The following CSPP1 variants were observed in gnomAD, a reference collection of about 807,000 sequenced individuals.
The protein encoded by CSPP1 is centrosome and spindle pole associated protein 1.
CSPP1 carries 126 observed loss-of-function variants against 164.4 expected under a neutral mutation model. That is an observed-to-expected ratio of 0.77 (90% CI 0.66 to 0.89). CSPP1 has a LOEUF of 0.89. CSPP1 is among the 40% of genes least tolerant of loss of function. The pLI is 0.00. For synonymous variants in CSPP1, 472 were observed against 476.7 expected (o/e 0.99, Z 0.13); for missense variants, 1,395 against 1,449.8 (o/e 0.96, Z 0.61).
intron 15 of CSPP1, among the ~76,000 whole-genome samples, chr8:67,120,204 A>G (rs1818711639): frequency 6.6e-6 from 1 of 152,138 alleles, no homozygotes; most frequent in African/African-American, 2.4e-5. Flanking sequence ...TTTTTGGGCT[A>G]TTTATCCTTT....
Position 67,179,916 on chromosome 8 carries a change from T to A in CSPP1, c.3210T>A (p.Ser1070Arg), listed in dbSNP as rs2129570665. 1 of 1,556,486 alleles carries A rather than the reference T, an allele frequency of 6.4e-7. No homozygotes were observed. Among genetic ancestry groups the A allele is most frequent in the Non-Finnish European group, 8.9e-7 (1 of 1,128,300 alleles). The change falls in exon 28 of 31, where the codon AGT (serine) becomes AGA (arginine). Residue 1070 changes from serine (S) to arginine (R), a missense_variant. Ser to Arg is a moderately radical substitution (Grantham distance 110, BLOSUM62 -1). Transcript: ENST00000678616. Reference sequence around the variant, plus strand: ...AAAACTCATTATTGGAATCTGATAGTGCTTTTATTGGTGAGTATATTTATT... The same window carrying A: ...AAAACTCATTATTGGAATCTGATAGAGCTTTTATTGGTGAGTATATTTATT... ...FLKNSLLESD[S>R]AFIGAYGETY...
At chr8:67,108,663 C>T (rs750908774) in intron 9 of CSPP1, among the ~76,000 whole-genome samples, 3 of 152,170 alleles carry the variant, frequency 2.0e-5, no homozygotes, top group Non-Finnish European at 4.4e-5. Context: ...CAGTATATTG[C>T]TGTTGATTGT....
rs1828818632 is a variant in CSPP1, at chr8:67,163,781, A to G, written c.2693A>G (p.Asn898Ser). The G allele has an allele frequency of 6.2e-7, 1 of 1,613,364 alleles. No individual in the cohort carries two copies. The highest frequency in any genetic ancestry group is 1.7e-5 in the Admixed American group (1 of 59,982). The change falls in exon 23 of 31, where the codon AAT (asparagine) becomes AGT (serine). Residue 898 changes from asparagine (N) to serine (S), a missense_variant. Transcript: ENST00000678616. ...TCACCCCCGGTACCTGCCAGGAAAA[A>G]TCAGCTCCGTGCAGAAGGTAGAGTT... Reference protein sequence around the residue: ...AQSPPVPARKNQLRAEEEKKN... With the variant: ...AQSPPVPARKSQLRAEEEKKN...
chr8:67,076,520 A>G lies in CSPP1; in HGVS notation c.138A>G (p.Ile46Met), dbSNP rs760570129. 2 of 1,604,388 alleles carry G rather than the reference A, an allele frequency of 1.2e-6. No individual in the cohort carries two copies. The highest frequency in any genetic ancestry group is 2.3e-5 in the East Asian group (1 of 44,156). ...LSAKLSENSKILISMAKENIP... is the reference protein window; with the variant it reads ...LSAKLSENSKMLISMAKENIP... ...CGAAGCTTTCTGAAAACAGTAAGAT[A>G]CTGATCTCTATGGCTAAGGAAAACA... is the stretch of plus-strand genomic sequence containing the variant. The change falls in exon 3 of 31, where the codon ATA becomes ATG. Residue 46 changes from isoleucine to methionine, a missense_variant. Transcript: ENST00000678616.
intron 21 of CSPP1, among the ~76,000 whole-genome samples, chr8:67,160,864 T>C (rs1010033138): frequency 3.9e-5 from 6 of 152,178 alleles, no homozygotes; most frequent in Non-Finnish European, 5.9e-5. Context: ...ACTCGCTTTG[T>C]TGCCCAGGCT....
At chr8:67,162,590 A>G (rs1563722760) in intron 22 of CSPP1, among the ~76,000 whole-genome samples, 1 of 152,212 alleles carries the variant, frequency 6.6e-6, no homozygotes, top group Non-Finnish European at 1.5e-5. Context: ...TCATTGTAAT[A>G]TTTAAGTAGG....
At chr8:67,192,080 T>G (rs1175535382) in intron 29 of CSPP1, among the ~76,000 whole-genome samples, 4 of 147,330 alleles carry the variant, frequency 2.7e-5, no homozygotes, top group Admixed American at 1.3e-4. Context: ...TTTTTTTTGT[T>G]TTTTTTTTTT....
chr8:67,163,624 T>C, intron 22 of CSPP1, 108 bp from the exon 23 acceptor site: 1 of 706,614 alleles, frequency 1.4e-6, no homozygotes, highest in South Asian at 1.9e-5. Context: ...GGTAGGATAG[T>C]GTGGAGTTTG....
intron 26 of CSPP1, chr8:67,175,651 G>T (rs1317852535): frequency 1.5e-6 from 1 of 671,384 alleles, no homozygotes; most frequent in Admixed American, 2.1e-5. Flanking sequence ...GCATGAGAGG[G>T]GCCCAGTCAT....
At chr8:67,131,665 T>C (rs1586370572) in intron 15 of CSPP1, among the ~76,000 whole-genome samples, 1 of 152,230 alleles carries the variant, frequency 6.6e-6, no homozygotes, top group Non-Finnish European at 1.5e-5. Context: ...GCCTAAGTCA[T>C]ATGTGTACTG....
rs1168131345 is a variant in CSPP1 at position 67,149,931 on chromosome 8, C to T, written c.2124C>T (p.Ser708=). ...ACCTAGAAGATGCTGCAAATAAAAG[C>T]TCAGGTTTTTAATCACTTTTTTTTT... ...AENLEDAANK[S]SGHMQTQSSP... is the part of the protein sequence containing the mutation. The change falls in exon 18 of 31, where the codon AGC becomes AGT. Residue 708 remains serine (S), a synonymous_variant. Coordinates refer to ENST00000678616, the MANE Select transcript of CSPP1 (RefSeq NM_001382391.1). The T allele has an allele frequency of 2.6e-6, 4 of 1,535,020 alleles. No homozygotes were observed. Among genetic ancestry groups the T allele is most frequent in the Non-Finnish European group, 3.5e-6 (4 of 1,149,954 alleles).
intron 28 of CSPP1, among the ~76,000 whole-genome samples, chr8:67,186,525 A>T (rs1834647725): frequency 6.6e-6 from 1 of 152,184 alleles, no homozygotes; most frequent in Non-Finnish European, 1.5e-5. Flanking sequence ...AACTTGGAAT[A>T]GAGGGGGAAC....
At chr8:67,156,326 A>T (rs927457261) in intron 19 of CSPP1, among the ~76,000 whole-genome samples, 1 of 152,088 alleles carries the variant, frequency 6.6e-6, no homozygotes, top group African/African-American at 2.4e-5. Flanking sequence ...CTTCAAGTGT[A>T]ATATCTATGG....
intron 1 of CSPP1, among the ~76,000 whole-genome samples, chr8:67,066,417 T>G (rs1053450977): frequency 3.3e-5 from 5 of 152,082 alleles, no homozygotes; most frequent in Non-Finnish European, 7.4e-5. Flanking sequence ...TCTAAAGCTC[T>G]TTCACTGGCC....
intron 7 of CSPP1, among the ~76,000 whole-genome samples, chr8:67,096,559 T>C (rs1389676285): frequency 6.7e-6 from 1 of 149,430 alleles, no homozygotes. Context: ...GGTGAGACTC[T>C]GTCTCCAAAA....
At chr8:67,130,638 A>G (rs1014085871) in intron 15 of CSPP1, among the ~76,000 whole-genome samples, 3 of 152,224 alleles carry the variant, frequency 2.0e-5, no homozygotes, top group African/African-American at 7.2e-5. Context: ...TAAATACACA[A>G]TGGAACTCAT....
At chr8:67,067,035 C>A (rs935717074) in intron 1 of CSPP1, among the ~76,000 whole-genome samples, 6 of 152,092 alleles carry the variant, frequency 3.9e-5, no homozygotes, top group African/African-American at 1.4e-4. Flanking sequence ...GGATTACAGG[C>A]GTGAGCCACG....
At position 67,193,427 on chromosome 8, in the gene CSPP1, G is replaced by A. The variant is rs200817546; in HGVS notation, c.3331-37G>A. On this transcript the variant is annotated intron_variant, in intron 29 of 30. Transcript: ENST00000678616. ...TCACTGATTTGTGAACATATTTTGT[G>A]TTAATGACTTTCTGAAGTTCTGTTT... is the stretch of plus-strand genomic sequence containing the variant. 1,966 of 1,590,072 alleles carry A rather than the reference G, an allele frequency of 1.2e-3. 47 individuals are homozygous for A. In the South Asian group the frequency reaches 0.021, roughly 17 times the overall value.
rs143999983 is a variant in CSPP1, at chr8:67,172,918, A to G, written c.2968+363A>G. The G allele has an allele frequency of 3.9e-3, 641 of 162,688 alleles. 1 individual carries two copies. Among genetic ancestry groups the G allele is most frequent in the Non-Finnish European group, 5.7e-3 (431 of 75,220 alleles). 10.1% of individuals were successfully genotyped at this position (162,688 alleles called of 1,614,324 possible). A position where few individuals can be genotyped will look rare whatever the true frequency, so the allele number is the denominator to read the frequency against. On this transcript the variant is annotated intron_variant, in intron 25 of 30. Transcript: ENST00000678616. ...GAGAGACTGGAGGAGAAGCAGGAGA[A>G]TGTAGGATCCTGAAACCTGAGGGGA...
Sources: gnomAD v4.1 joint callset for allele counts (sites outside exome capture counted in the v4.1 genomes callset) on GRCh38, gnomAD v4.1.1 for gene constraint, MANE v1.5 for transcripts, NCBI Gene and HGNC (gene_info 2026-07-23, HGNC 2026-07-21) for gene names.